The following SUPT3H variants were observed in gnomAD, a reference collection of about 807,000 sequenced individuals.
The protein encoded by SUPT3H is transcription initiation protein SPT3 homolog.
SUPT3H carries 44 observed loss-of-function variants against 44.3 expected under a neutral mutation model. The observed-to-expected ratio is 0.99, with a 90% CI of 0.78 to 1.28. The LOEUF (loss-of-function observed/expected upper bound fraction) is 1.28, where lower values mean the gene tolerates loss of function less well. Among genes scored for constraint, SUPT3H ranks in the 50% most tolerant of loss-of-function variants. The probability of loss-of-function intolerance (pLI) is 0.00; values close to 1 mark genes in which losing one functional copy is unlikely to be tolerated. For synonymous variants in SUPT3H, 124 were observed against 125.6 expected, an observed-to-expected ratio of 0.99 and a Z score of 0.09; for missense variants, 380 against 387.1, an observed-to-expected ratio of 0.98 and a Z score of 0.15.
intron 2 of SUPT3H, among the ~76,000 whole-genome samples, chr6:45,236,384 A>G (rs534807601): frequency 6.6e-6 from 1 of 152,200 alleles, no homozygotes; most frequent in South Asian, 2.1e-4. Context: ...TCAGGGTAAC[A>G]ATGGGACAAG....
At chr6:44,825,439 G>T (rs1767669537), downstream of SUPT3H, among the ~76,000 whole-genome samples, 1 of 152,170 alleles carries the variant, frequency 6.6e-6, no homozygotes, top group African/African-American at 2.4e-5. Context: ...CTCCAGTACA[G>T]TCCACGTTGT....
intron 3 of SUPT3H, among the ~76,000 whole-genome samples, chr6:45,075,961 AT>A (rs1205519589): frequency 6.6e-6 from 1 of 152,130 alleles, no homozygotes; most frequent in Non-Finnish European, 1.5e-5. Context: ...CAGTATCTAT[AT>A]AATTAGTTCA....
chr6:45,124,266 A>T (rs986029153), intron 2 of SUPT3H, among the ~76,000 whole-genome samples: 6 of 96,572 alleles, frequency 6.2e-5, no homozygotes, highest in Non-Finnish European at 1.2e-4. Context: ...TTCCACTGTT[A>T]AAAAAAAACA....
chr6:45,230,102 C>T (rs113664242), intron 2 of SUPT3H, among the ~76,000 whole-genome samples: 1 of 152,130 alleles, frequency 6.6e-6, no homozygotes, highest in Non-Finnish European at 1.5e-5. Context: ...CTGTATCTGG[C>T]TAATTTTCAT....
chr6:45,082,185 C>G, intron 3 of SUPT3H, among the ~76,000 whole-genome samples: 1 of 152,036 alleles, frequency 6.6e-6, no homozygotes, highest in Non-Finnish European at 1.5e-5. Flanking sequence ...CCAGACCAGA[C>G]AGATTAACAG....
chr6:45,338,130 C>G (rs974972156), intron 2 of SUPT3H, among the ~76,000 whole-genome samples: 2 of 152,116 alleles, frequency 1.3e-5, no homozygotes, highest in Admixed American at 1.3e-4. Context: ...GCCTATCTTT[C>G]TAGCTTTCTG....
intron 6 of SUPT3H, among the ~76,000 whole-genome samples, chr6:44,998,652 A>AT (rs913411525): frequency 1.3e-5 from 2 of 151,830 alleles, no homozygotes; most frequent in East Asian, 3.9e-4. Flanking sequence ...CCTAATACTT[A>AT]TTTTTTATTT....
intron 2 of SUPT3H, among the ~76,000 whole-genome samples, chr6:45,173,035 C>A (rs772742062): frequency 7.9e-5 from 12 of 152,012 alleles, no homozygotes; most frequent in Admixed American, 7.9e-4. Flanking sequence ...GCAAACAAAG[C>A]GTATAGATTT....
chr6:45,240,493 T>A (rs1584445037), intron 2 of SUPT3H, among the ~76,000 whole-genome samples: 1 of 152,244 alleles, frequency 6.6e-6, no homozygotes, highest in Non-Finnish European at 1.5e-5. Flanking sequence ...AATCTGCTCC[T>A]ATAATTAGGC....
chr6:44,914,991 T>A (rs1767598278), intron 10 of SUPT3H, among the ~76,000 whole-genome samples: 2 of 152,156 alleles, frequency 1.3e-5, no homozygotes, highest in Admixed American at 6.5e-5. Context: ...TCTGGACTCT[T>A]ACTACCATGC....
chr6:44,868,478 C>T (rs113967574), intron 10 of SUPT3H, among the ~76,000 whole-genome samples: 72 of 152,280 alleles, frequency 4.7e-4, no homozygotes, highest in African/African-American at 1.5e-3. Context: ...TCTCATAATG[C>T]TTCTGTGACA....
intron 3 of SUPT3H, among the ~76,000 whole-genome samples, chr6:45,047,231 C>G (rs1028447253): frequency 6.6e-6 from 1 of 151,996 alleles, no homozygotes; most frequent in Non-Finnish European, 1.5e-5. Context: ...GCATCTGATA[C>G]AAAATGGTCA....
rs141819941 is a variant in SUPT3H, at chr6:44,887,443, T to C, written c.912+45210A>G. 8.6e-3 allele frequency among the ~76,000 whole-genome samples: 1,313 copies of C among 152,212 alleles called. 51 individuals carry two copies. Among genetic ancestry groups the C allele is most frequent in the Admixed American group, 0.075 (1,153 of 15,272 alleles). On this transcript the variant is annotated intron_variant, in intron 10 of 10. Transcript: ENST00000371459. ...CTCTCAGACCACAGTGCAATCAAAC[T>C]AGAACTCAGGATTAAGAAACTCACT...
At chr6:45,075,404 G>C (rs1794883191) in intron 3 of SUPT3H, among the ~76,000 whole-genome samples, 1 of 152,010 alleles carries the variant, frequency 6.6e-6, no homozygotes, top group African/African-American at 2.4e-5. Context: ...GCAATACTTA[G>C]GTTTCTCCAG....
intron 11 of SUPT3H, among the ~76,000 whole-genome samples, chr6:44,813,642 G>T (rs1165258928): frequency 2.0e-5 from 3 of 147,522 alleles, no homozygotes; most frequent in Non-Finnish European, 4.5e-5. Flanking sequence ...ATAAAGAAGG[G>T]ACTGGAACTG....
intron 2 of SUPT3H, among the ~76,000 whole-genome samples, chr6:45,293,944 T>C (rs987836410): frequency 6.6e-6 from 1 of 151,888 alleles, no homozygotes; most frequent in African/African-American, 2.4e-5. Context: ...GACACTATTC[T>C]ACAAGATAGA....
chr6:45,365,867 C>G (rs901062263), intron 1 of SUPT3H, among the ~76,000 whole-genome samples: 3 of 134,416 alleles, frequency 2.2e-5, no homozygotes, highest in African/African-American at 7.7e-5. Context: ...TAATGTCAAT[C>G]GGTAGATCAA....
intron 4 of SUPT3H, among the ~76,000 whole-genome samples, chr6:45,015,501 T>C (rs1489630203): frequency 5.3e-5 from 8 of 152,070 alleles, no homozygotes; most frequent in South Asian, 2.1e-4. Flanking sequence ...CTGCATGCTA[T>C]TGCAGACTTT....
At chr6:45,025,285 T>TA (rs1182159443) in intron 3 of SUPT3H, among the ~76,000 whole-genome samples, 1 of 152,222 alleles carries the variant, frequency 6.6e-6, no homozygotes, top group Non-Finnish European at 1.5e-5. Context: ...CTAACGTAGA[T>TA]AGAAAACTTA....
Sources: allele counts gnomAD v4.1 joint callset (sites outside exome capture counted in the v4.1 genomes callset), GRCh38; gene constraint gnomAD v4.1.1; transcripts MANE v1.5; gene names NCBI Gene and HGNC (gene_info 2026-07-23, HGNC 2026-07-21).